Variants in WDR72 observed in about 807,000 individuals in gnomAD.
The protein encoded by WDR72 is WD repeat domain 72.
Under a neutral mutation model 124.2 loss-of-function variants are expected in WDR72, and 120 were observed. The ratio of observed to expected loss-of-function variants is 0.97; its 90% CI spans 0.83 to 1.12. WDR72 has a LOEUF of 1.12. WDR72 is among the 50% of genes most tolerant of loss of function. The pLI, the probability that WDR72 is intolerant of heterozygous loss-of-function variation, is 0.00. For synonymous variants in WDR72, 452 were observed against 441.7 expected (o/e 1.02, Z -0.29); for missense variants, 1,387 against 1,278.8 (o/e 1.08, Z -1.29).
chr15:53,566,449 T>G (rs1894297036), intron 18 of WDR72, among the ~76,000 whole-genome samples: 1 of 152,034 alleles, frequency 6.6e-6, no homozygotes, highest in Non-Finnish European at 1.5e-5. Context: ...ACTGGGAATC[T>G]AAGATTTACA....
intron 8 of WDR72, 109 bp downstream of exon 8, chr15:53,711,227 T>C: frequency 1.3e-6 from 2 of 1,536,348 alleles, no homozygotes; most frequent in East Asian, 2.2e-5. Flanking sequence ...CAAAGTTGTT[T>C]TGTTCTGGTT....
chr15:53,692,431 T>C (rs2016873620), intron 13 of WDR72, among the ~76,000 whole-genome samples: 1 of 152,284 alleles, frequency 6.6e-6, no homozygotes, highest in South Asian at 2.1e-4. Context: ...TCATGAAGGA[T>C]TTATAATAAA....
At chr15:53,575,258 T>A (rs917794817) in intron 18 of WDR72, among the ~76,000 whole-genome samples, 14 of 152,240 alleles carry the variant, frequency 9.2e-5, no homozygotes, top group South Asian at 4.1e-4. Context: ...AAATGTAGAC[T>A]TAATCTCTGA....
intron 13 of WDR72, among the ~76,000 whole-genome samples, chr15:53,682,217 A>C (rs1176963720): frequency 6.6e-6 from 1 of 152,164 alleles, no homozygotes; most frequent in African/African-American, 2.4e-5. Flanking sequence ...AAAGTTTGTA[A>C]AACTATAAGA....
intron 13 of WDR72, among the ~76,000 whole-genome samples, chr15:53,681,814 T>C (rs1173848214): frequency 1.3e-5 from 2 of 151,272 alleles, no homozygotes; most frequent in Non-Finnish European, 1.5e-5. Flanking sequence ...AAAGGTGGAG[T>C]TGAATAATAT....
intron 6 of WDR72, 91 bp downstream of exon 6, chr15:53,714,343 G>T (rs2017643085): frequency 1.1e-5 from 11 of 1,024,514 alleles, no homozygotes; most frequent in African/African-American, 9.7e-5. Context: ...TTGAACTTTT[G>T]ACAATAAACA....
intron 13 of WDR72, among the ~76,000 whole-genome samples, chr15:53,696,019 C>CTTA (rs2016993761): frequency 1.3e-5 from 2 of 152,156 alleles, no homozygotes; most frequent in African/African-American, 2.4e-5. Flanking sequence ...TGGCTTCAAG[C>CTTA]CCCTTTTCCT....
intron 13 of WDR72, among the ~76,000 whole-genome samples, chr15:53,697,287 T>C (rs2017031183): frequency 6.6e-6 from 1 of 152,164 alleles, no homozygotes; most frequent in South Asian, 2.1e-4. Context: ...TCTGTGTCCT[T>C]CCTTTTTTGT....
At chr15:53,660,131 T>C (rs1188831936) in intron 14 of WDR72, among the ~76,000 whole-genome samples, 2 of 152,098 alleles carry the variant, frequency 1.3e-5, no homozygotes, top group African/African-American at 4.8e-5. Flanking sequence ...ATCAAAAATT[T>C]ACTAATCAAA....
At chr15:53,721,194 A>T (rs2017866757) in intron 3 of WDR72, among the ~76,000 whole-genome samples, 1 of 152,146 alleles carries the variant, frequency 6.6e-6, no homozygotes, top group Admixed American at 6.5e-5. Flanking sequence ...GTAGACTGAA[A>T]CTAGACTCCC....
At chr15:53,577,947 T>C (rs1595770994) in intron 18 of WDR72, among the ~76,000 whole-genome samples, 1 of 152,296 alleles carries the variant, frequency 6.6e-6, no homozygotes, top group South Asian at 2.1e-4. Flanking sequence ...ATACAATTTT[T>C]AAAAATGAAG....
rs144580685 is a variant in WDR72, at chr15:53,663,330, G to A, written c.1962+2242C>T. On this transcript the variant is annotated intron_variant, in intron 14 of 19. Transcript: ENST00000360509. ...GTCCTGTCCAATTCAGTTTATGTCC[G>A]AATGTAAAGAATGAAAGTTTGAAAT... Among the ~76,000 whole-genome samples, 30 of 152,064 alleles carry A rather than the reference G, an allele frequency of 2.0e-4. No individual in the cohort carries two copies. The East Asian group carries it at 4.3e-3, about 22-fold the overall frequency.
chr15:53,550,347 A>G (rs1165380854), intron 18 of WDR72, among the ~76,000 whole-genome samples: 2 of 152,160 alleles, frequency 1.3e-5, no homozygotes, highest in Admixed American at 1.3e-4. Context: ...TTTTTTTACC[A>G]AAAACAGATA....
Position 53,514,632 on chromosome 15 carries a change from T to C in WDR72, c.*3067A>G, listed in dbSNP as rs112274675. The C allele has an allele frequency of 2.0e-5, 3 of 152,282 alleles. No homozygotes were observed. The highest frequency in any genetic ancestry group is 7.2e-5 in the African/African-American group (3 of 41,556). 9.4% of individuals were successfully genotyped at this position (152,282 alleles called of 1,614,324 possible). A position where few individuals can be genotyped will look rare whatever the true frequency, so the allele number is the denominator to read the frequency against. On this transcript the variant is annotated 3_prime_UTR_variant, in exon 20 of 20. Coordinates refer to ENST00000360509, the MANE Select transcript of WDR72 (RefSeq NM_182758.4). ...CTACCATTTTTCTAATACCATCATG[T>C]TCAAAGCAGCCTTAATTTAGTTTCT...
intron 1 of WDR72, among the ~76,000 whole-genome samples, chr15:53,746,565 A>T (rs900761236): frequency 7.9e-5 from 12 of 152,194 alleles, no homozygotes; most frequent in Admixed American, 7.2e-4. Context: ...TGAATCTCAG[A>T]TCTGCCACTT....
chr15:53,726,090 C>T (rs989681154), intron 2 of WDR72, among the ~76,000 whole-genome samples: 1 of 149,842 alleles, frequency 6.7e-6, no homozygotes, highest in Non-Finnish European at 1.5e-5. Flanking sequence ...AAAAAAGATA[C>T]GTGTCATTAT....
At chr15:53,655,121 C>T (rs2015371363) in intron 14 of WDR72, among the ~76,000 whole-genome samples, 1 of 151,048 alleles carries the variant, frequency 6.6e-6, no homozygotes, top group South Asian at 2.1e-4. Context: ...ATCCCAACTA[C>T]CCAGGAGACT....
chr15:53,722,529 A>G (rs2017905510), intron 3 of WDR72, among the ~76,000 whole-genome samples: 1 of 152,216 alleles, frequency 6.6e-6, no homozygotes, highest in Admixed American at 6.5e-5. Flanking sequence ...ACCCTCACCC[A>G]GTAAGAGTGC....
At chr15:53,707,393 T>C (rs2017411139) in intron 9 of WDR72, among the ~76,000 whole-genome samples, 1 of 151,954 alleles carries the variant, frequency 6.6e-6, no homozygotes, top group Admixed American at 6.6e-5. Flanking sequence ...TAATTCCCTA[T>C]AGTCCCAAGA....
Sources: gnomAD v4.1 joint callset for allele counts (sites outside exome capture counted in the v4.1 genomes callset) on GRCh38, gnomAD v4.1.1 for gene constraint, MANE v1.5 for transcripts, NCBI Gene and HGNC (gene_info 2026-07-23, HGNC 2026-07-21) for gene names.